Variants in ZNF254 observed in about 807,000 individuals in gnomAD.
ZNF254 encodes the protein CTD-2017D11.1.
ZNF254 carries 10 observed loss-of-function variants against 12.4 expected under a neutral mutation model. The ratio of observed to expected loss-of-function variants is 0.80; its 90% CI spans 0.50 to 1.36. ZNF254 has a LOEUF of 1.36. Ranked by LOEUF, ZNF254 falls within the 40% of genes most tolerant of loss-of-function variation. The pLI, the probability that ZNF254 is intolerant of heterozygous loss-of-function variation, is 0.00. For missense variants in ZNF254, 996 were observed against 763.9 expected (o/e 1.30, Z -3.58); for synonymous variants, 305 against 253.4 (o/e 1.20, Z -1.93).
chr19:24,054,038 T>TG (rs1231172445), intron 2 of ZNF254, among the ~76,000 whole-genome samples: 1 of 152,178 alleles, frequency 6.6e-6, no homozygotes, highest in Non-Finnish European at 1.5e-5. Context: ...CACTGTGCCC[T>TG]GAACAGGAAA....
chr19:24,115,680 T>TA (rs944466681), intron 3 of ZNF254, among the ~76,000 whole-genome samples: 39 of 151,928 alleles, frequency 2.6e-4, no homozygotes, highest in Non-Finnish European at 4.4e-4. Context: ...ATAATAATAA[T>TA]AAAAAAAGAA....
At chr19:24,075,100 A>T (rs1971611798) in intron 2 of ZNF254, among the ~76,000 whole-genome samples, 1 of 152,192 alleles carries the variant, frequency 6.6e-6, no homozygotes, top group African/African-American at 2.4e-5. Flanking sequence ...ATTATGAAAT[A>T]TCATTTTGTT....
chr19:24,108,254 C>T (rs956682558), intron 3 of ZNF254, among the ~76,000 whole-genome samples: 2 of 152,186 alleles, frequency 1.3e-5, no homozygotes, highest in Non-Finnish European at 2.9e-5. Context: ...TGTATTTCTC[C>T]AGGCCTCTGG....
chr19:24,121,491 T>C (rs1467642990), intron 3 of ZNF254, among the ~76,000 whole-genome samples: 2 of 152,218 alleles, frequency 1.3e-5, no homozygotes, highest in Admixed American at 1.3e-4. Context: ...AAATCAAATA[T>C]GAATCAGCCA....
upstream of ZNF254, among the ~76,000 whole-genome samples, chr19:24,083,590 A>G (rs1226143032): frequency 6.6e-6 from 1 of 152,222 alleles, no homozygotes; most frequent in Non-Finnish European, 1.5e-5. Flanking sequence ...TAATACTGGA[A>G]AAACTCTTCT....
intron 1 of ZNF254, among the ~76,000 whole-genome samples, chr19:24,040,628 T>C (rs1970119651): frequency 6.6e-6 from 1 of 152,212 alleles, no homozygotes. Context: ...CCTTTCAAAA[T>C]TTTTTGAGGC....
intron 2 of ZNF254, among the ~76,000 whole-genome samples, chr19:24,052,958 G>C (rs1226711187): frequency 6.6e-6 from 1 of 152,166 alleles, no homozygotes. Context: ...GTCACATACT[G>C]TGTAAAGTCG....
intron 2 of ZNF254, among the ~76,000 whole-genome samples, chr19:24,074,925 T>C (rs1971605325): frequency 6.6e-6 from 1 of 152,222 alleles, no homozygotes; most frequent in Non-Finnish European, 1.5e-5. Flanking sequence ...TATTGTGACA[T>C]TTCTGGGCCC....
rs1385212654 is a variant in ZNF254, at chr19:24,129,205, T to G, written c.*1225T>G. Reference sequence around the variant, plus strand: ...GCATTATTATGAATGAAAAGCATTCTTAATTTTAGTTAAAATTAAGTTAGT... The same window carrying G: ...GCATTATTATGAATGAAAAGCATTCGTAATTTTAGTTAAAATTAAGTTAGT... On this transcript the variant is annotated 3_prime_UTR_variant, in exon 4 of 4. Transcript: ENST00000357002. 6.6e-6 allele frequency: 1 copy of G among 152,048 alleles called. No homozygotes were observed. The highest frequency in any genetic ancestry group is 2.4e-5 in the African/African-American group (1 of 41,428). The allele number at this position is 152,048 out of a possible 1,614,324, so 9.4% of individuals were successfully genotyped here.
At chr19:24,110,234 A>C (rs1311680318) in intron 3 of ZNF254, among the ~76,000 whole-genome samples, 1 of 152,150 alleles carries the variant, frequency 6.6e-6, no homozygotes, top group Non-Finnish European at 1.5e-5. Flanking sequence ...AACACTTAGC[A>C]TATAATTTAC....
chr19:24,125,121 T>C (rs1001212779), intron 3 of ZNF254, among the ~76,000 whole-genome samples: 1 of 152,268 alleles, frequency 6.6e-6, no homozygotes, highest in South Asian at 2.1e-4. Flanking sequence ...TCAAAGGTAA[T>C]CTTTTTGTCT....
chr19:24,036,861 A>G (rs142288281), intron 1 of ZNF254, among the ~76,000 whole-genome samples: 15 of 152,250 alleles, frequency 9.9e-5, no homozygotes, highest in African/African-American at 3.4e-4. Flanking sequence ...GAACATACCC[A>G]CTAGGAATGG....
intron 2 of ZNF254, chr19:24,065,937 C>G (rs1971254307): frequency 2.0e-5 from 3 of 152,144 alleles, no homozygotes; most frequent in South Asian, 4.1e-4. Context: ...TAATGTTACT[C>G]TCTTCTCCTG....
exon 1 of ZNF254, chr19:24,033,621 G>T: frequency 2.4e-6 from 1 of 415,652 alleles, no homozygotes; most frequent in Non-Finnish European, 4.8e-6. Context: ...GCTGGGAAAG[G>T]GTGAGTGTGC....
chr19:24,070,298 A>C (rs981023996), intron 2 of ZNF254, among the ~76,000 whole-genome samples: 2 of 152,252 alleles, frequency 1.3e-5, no homozygotes, highest in South Asian at 4.1e-4. Context: ...ATGCCCTTAC[A>C]TGGCCCAGCA....
At position 24,128,195 on chromosome 19, in the gene ZNF254, A is replaced by T; in HGVS notation, c.*215A>T. 4 of 488,346 alleles carry T rather than the reference A, an allele frequency of 8.2e-6. No individual in the cohort carries two copies. The highest frequency in any genetic ancestry group is 1.4e-5 in the Non-Finnish European group (4 of 293,900). The allele number at this position is 488,346 out of a possible 1,614,324, so 30.3% of individuals were successfully genotyped here. A position where few individuals can be genotyped will look rare whatever the true frequency, so the allele number is the denominator to read the frequency against. ...CTTGATTGTAGGTAAGATAATTCAT[A>T]CTGGAGAAAACTACCAGTGTGAACA... On this transcript the variant is annotated 3_prime_UTR_variant, in exon 4 of 4. Transcript: ENST00000357002.
chr19:24,089,889 C>G (rs929872469), intron 1 of ZNF254, among the ~76,000 whole-genome samples: 3 of 151,556 alleles, frequency 2.0e-5, no homozygotes, highest in Non-Finnish European at 1.5e-5. Flanking sequence ...GAAAACAAAA[C>G]AAAACAAAAC....
At chr19:24,109,983 T>G (rs926441966) in intron 3 of ZNF254, among the ~76,000 whole-genome samples, 2 of 151,888 alleles carry the variant, frequency 1.3e-5, no homozygotes, top group Middle Eastern at 3.4e-3. Flanking sequence ...CTTGCCTTGG[T>G]CTCCCAAAGT....
chr19:24,127,455 T>C lies in ZNF254; in HGVS notation c.1455T>C (p.Thr485=). 1 of 1,612,668 alleles carries C rather than the reference T, an allele frequency of 6.2e-7. No homozygotes were observed. The highest frequency in any genetic ancestry group is 8.5e-7 in the Non-Finnish European group (1 of 1,178,920). The stretch of plus-strand genomic sequence containing the variant: ...TAACTAGACATAAGAGGATGCACAC[T>C]GGAGAGAAACCCTACAAATGTGAAG... ...STLTRHKRMH[T]GEKPYKCEEC... is the part of the protein sequence containing the mutation. Residue 485 remains threonine, a synonymous_variant, in exon 4 of 4, where the codon ACT becomes ACC. Transcript: ENST00000357002.
Sources: gnomAD v4.1 joint callset for allele counts (sites outside exome capture counted in the v4.1 genomes callset) on GRCh38, gnomAD v4.1.1 for gene constraint, MANE v1.5 for transcripts, NCBI Gene and HGNC (gene_info 2026-07-23, HGNC 2026-07-21) for gene names.